Variants in STK38L observed in about 807,000 individuals in gnomAD.
The protein encoded by STK38L is serine/threonine kinase 38 like, also known as serine/threonine-protein kinase 38-like.
A neutral mutation model predicts 59.7 loss-of-function variants in STK38L; 28 were observed. The ratio of observed to expected loss-of-function variants is 0.47; its 90% CI spans 0.35 to 0.64. The LOEUF (loss-of-function observed/expected upper bound fraction) is 0.64, where lower values mean the gene tolerates loss of function less well. Ranked by LOEUF, STK38L falls within the 30% of genes least tolerant of loss-of-function variation. The pLI is 0.01. For synonymous variants in STK38L, 162 were observed against 176.8 expected (o/e 0.92, Z 0.66); for missense variants, 314 against 555.8 (o/e 0.56, Z 4.37).
At position 27,265,605 on chromosome 12, in the gene STK38L, A is replaced by C. The variant is rs1943286378; in HGVS notation, c.-12+21273A>C. ...GGACATAGTAGTTGCTTAATTAAAAAAATTATTGATTGAATGAAAGAAGAC... is the reference window on the plus strand; with the variant it reads ...GGACATAGTAGTTGCTTAATTAAAACAATTATTGATTGAATGAAAGAAGAC... On this transcript the variant is annotated intron_variant, in intron 1 of 13. Transcript: ENST00000389032. Among the ~76,000 whole-genome samples, 3 of 152,294 alleles carry C rather than the reference A, an allele frequency of 2.0e-5. No individual in the cohort carries two copies. The South Asian group carries it at 6.2e-4, about 32-fold the overall frequency.
At chr12:27,264,554 C>T (rs1316923301) in intron 1 of STK38L, among the ~76,000 whole-genome samples, 2 of 152,156 alleles carry the variant, frequency 1.3e-5, no homozygotes, top group African/African-American at 4.8e-5. Flanking sequence ...TCTGCATCCA[C>T]TGATTCAAAC....
chr12:27,245,614 A>G (rs1001918195), intron 1 of STK38L: 1 of 152,128 alleles, frequency 6.6e-6, no homozygotes, highest in Non-Finnish European at 1.5e-5. Context: ...GGATATGTAA[A>G]ACAATTAAGT....
At chr12:27,296,752 G>C (rs1261596149) in intron 1 of STK38L, among the ~76,000 whole-genome samples, 1 of 152,194 alleles carries the variant, frequency 6.6e-6, no homozygotes, top group Non-Finnish European at 1.5e-5. Context: ...ATCCAGATGT[G>C]GCTGTAGTAG....
At chr12:27,319,493 C>A in intron 12 of STK38L, 70 bp downstream of exon 12, 1 of 1,014,104 alleles carries the variant, frequency 9.9e-7, no homozygotes, top group Non-Finnish European at 1.5e-6. Context: ...AATTAATTTA[C>A]CTCTGATTCT....
Position 27,322,164 on chromosome 12 carries a change from T to A in STK38L, c.1197T>A (p.Pro399=). The change falls in exon 13 of 14, where the codon CCT becomes CCA. Residue 399 remains proline (P), a synonymous_variant. Transcript: ENST00000389032. ...EHIRERPAAI[P]IEIKSIDDTS... The stretch of plus-strand genomic sequence containing the variant: ...ATAGGGAAAGGCCAGCAGCAATCCC[T>A]ATAGAAATCAAAAGCATTGATGATA... The A allele has an allele frequency of 1.2e-6, 2 of 1,613,798 alleles. No homozygotes were observed. The highest frequency in any genetic ancestry group is 1.7e-6 in the Non-Finnish European group (2 of 1,179,910).
In STK38L at chr12:27,322,715, C is replaced by T. The variant is rs1944760987; in HGVS notation, c.*260C>T. On this transcript the variant is annotated 3_prime_UTR_variant, in exon 14 of 14. Coordinates refer to ENST00000389032, the MANE Select transcript of STK38L (RefSeq NM_015000.4). ...ACTGGAATAAAAGGAACAGACATCC[C>T]TTTCTAACTGCACTGCCTACATGCG... 2 of 316,406 alleles carry T rather than the reference C, an allele frequency of 6.3e-6. No individual in the cohort carries two copies. Among genetic ancestry groups the T allele is most frequent in the Non-Finnish European group, 1.1e-5 (2 of 175,694 alleles). 19.6% of individuals were successfully genotyped at this position (316,406 alleles called of 1,614,324 possible).
intron 2 of STK38L, among the ~76,000 whole-genome samples, chr12:27,299,792 GAAAA>G (rs987497483): frequency 6.8e-6 from 1 of 146,250 alleles, no homozygotes; most frequent in African/African-American, 2.5e-5. Context: ...ATTGGAATGA[GAAAA>G]AAAAAGTCAG....
chr12:27,263,832 C>CT (rs1943251238), intron 1 of STK38L, among the ~76,000 whole-genome samples: 1 of 152,186 alleles, frequency 6.6e-6, no homozygotes, highest in African/African-American at 2.4e-5. Flanking sequence ...GTAAATCTGT[C>CT]TACGTGAGAG....
chr12:27,307,068 G>C (rs766875717), intron 3 of STK38L, among the ~76,000 whole-genome samples: 2 of 151,944 alleles, frequency 1.3e-5, no homozygotes, highest in Non-Finnish European at 2.9e-5. Flanking sequence ...ATCTTTCATT[G>C]TTGTTTGCTT....
At chr12:27,283,123 G>T (rs1483379029) in intron 1 of STK38L, among the ~76,000 whole-genome samples, 1 of 152,116 alleles carries the variant, frequency 6.6e-6, no homozygotes, top group African/African-American at 2.4e-5. Flanking sequence ...GATGAAGTAG[G>T]TCCATTTGTA....
intron 12 of STK38L, among the ~76,000 whole-genome samples, chr12:27,321,877 C>T (rs1055363509): frequency 1.4e-4 from 21 of 152,066 alleles, no homozygotes; most frequent in African/African-American, 5.1e-4. Context: ...GTATTAAAAC[C>T]TCTCATGGAC....
chr12:27,317,247 A>G (rs2136651458), intron 9 of STK38L, 89 bp from the exon 10 acceptor site: 6 of 876,760 alleles, frequency 6.8e-6, no homozygotes, highest in Admixed American at 2.4e-5. Context: ...TAACTCCTCT[A>G]TATATTGCTT....
intron 1 of STK38L, among the ~76,000 whole-genome samples, chr12:27,247,316 C>T (rs1942875557): frequency 6.6e-6 from 1 of 152,188 alleles, no homozygotes; most frequent in Admixed American, 6.5e-5. Flanking sequence ...CTGGCTTGTA[C>T]CCATATGGCA....
At chr12:27,276,004 T>A (rs1943527772) in intron 1 of STK38L, among the ~76,000 whole-genome samples, 1 of 152,304 alleles carries the variant, frequency 6.6e-6, no homozygotes, top group African/African-American at 2.4e-5. Context: ...CCCCTTGCCA[T>A]GGATAGGCCT....
intron 9 of STK38L, among the ~76,000 whole-genome samples, chr12:27,316,926 T>G (rs746700180): frequency 6.6e-5 from 10 of 152,160 alleles, no homozygotes; most frequent in Non-Finnish European, 1.3e-4. Context: ...ACATTAGTAG[T>G]GAGTGGGGAA....
chr12:27,302,442 T>C (rs1314462445), intron 3 of STK38L: 1 of 292,692 alleles, frequency 3.4e-6, no homozygotes, highest in Non-Finnish European at 6.3e-6. Context: ...AAAGGCAAGC[T>C]CCGGGAGGAA....
At position 27,246,158 on chromosome 12, in the gene STK38L, A is replaced by G. The variant is rs147847528; in HGVS notation, c.-12+1826A>G. 4.6e-3 allele frequency among the ~76,000 whole-genome samples: 699 copies of G among 152,290 alleles called. 2 individuals are homozygous for G. Among genetic ancestry groups the G allele is most frequent in the Non-Finnish European group, 7.7e-3 (523 of 68,020 alleles). On this transcript the variant is annotated intron_variant, in intron 1 of 13. Transcript: ENST00000389032. ...GTAGGACACTGTAAGAACAAAGGAG[A>G]AATTGGACTTCCTAAAAAATGATAA...
chr12:27,256,461 C>T (rs1473513029), intron 1 of STK38L, among the ~76,000 whole-genome samples: 1 of 152,184 alleles, frequency 6.6e-6, no homozygotes, highest in Non-Finnish European at 1.5e-5. Flanking sequence ...AATTCCTGTG[C>T]TTTCTTTGGT....
rs533875976 is a variant in STK38L at position 27,246,028 on chromosome 12, T to A, written c.-12+1696T>A. Among the ~76,000 whole-genome samples, 25 of 152,330 alleles carry A rather than the reference T, an allele frequency of 1.6e-4. No individual in the cohort carries two copies. The South Asian group carries it at 5.2e-3, about 32-fold the overall frequency. On this transcript the variant is annotated intron_variant, in intron 1 of 13. Transcript: ENST00000389032. ...AAGCAGTTTTTCTCTAGCCATTTGC[T>A]CTTGAGTTTGTTTTAAAATAAGTCA...
Sources: allele counts gnomAD v4.1 joint callset (sites outside exome capture counted in the v4.1 genomes callset), GRCh38; gene constraint gnomAD v4.1.1; transcripts MANE v1.5; gene names NCBI Gene and HGNC (gene_info 2026-07-23, HGNC 2026-07-21).